DAGLB: variants seen among roughly 807,000 people sequenced by gnomAD.
DAGLB encodes the protein diacylglycerol lipase-beta.
Under a neutral mutation model 72.1 loss-of-function variants are expected in DAGLB, and 66 were observed. The ratio of observed to expected loss-of-function variants is 0.92; its 90% CI spans 0.75 to 1.12. DAGLB has a LOEUF of 1.12. Among genes scored for constraint, DAGLB ranks in the 50% most tolerant of loss-of-function variants. The probability of loss-of-function intolerance (pLI) is 0.00; values close to 1 mark genes in which losing one functional copy is unlikely to be tolerated. For missense variants in DAGLB, 1,065 were observed against 884.9 expected (o/e 1.20, Z -2.58); for synonymous variants, 414 against 359.5 (o/e 1.15, Z -1.71).
In DAGLB at chr7:6,414,145, G is replaced by C. The variant is rs188099740; in HGVS notation, c.1428-1111C>G. On this transcript the variant is annotated intron_variant, in intron 11 of 14. Coordinates refer to ENST00000297056, the MANE Select transcript of DAGLB (RefSeq NM_139179.4). The stretch of plus-strand genomic sequence containing the variant: ...CCTGCCTCAGCCTCCCAAGCAGCTG[G>C]GACTACAGGCGCCCACCACCACGCC... Among the ~76,000 whole-genome samples, 1,278 of 151,922 alleles carry C rather than the reference G, an allele frequency of 8.4e-3. 24 individuals are homozygous for C. The highest frequency in any genetic ancestry group is 0.03 in the African/African-American group (1,224 of 41,380).
At position 6,418,998 on chromosome 7, in the gene DAGLB, C is replaced by T. The variant is rs142916937; in HGVS notation, c.1219-2077G>A. On this transcript the variant is annotated intron_variant, in intron 9 of 14. Coordinates refer to ENST00000297056, the MANE Select transcript of DAGLB (RefSeq NM_139179.4). ...AGTTTCTAAGAATTAAATAATTCTA[C>T]AAGTAGAATGCTGAACCCAGCCATC... is the stretch of plus-strand genomic sequence containing the variant. Among the ~76,000 whole-genome samples the T allele has an allele frequency of 3.3e-4, 50 of 151,232 alleles. 1 individual carries two copies. The East Asian group carries it at 9.2e-3, about 28-fold the overall frequency.
At chr7:6,415,303 T>C (rs836502) in intron 11 of DAGLB, among the ~76,000 whole-genome samples, 3 of 151,994 alleles carry the variant, frequency 2.0e-5, no homozygotes, top group African/African-American at 7.3e-5. Context: ...TAAGCACTTA[T>C]ACATTCTCCT....
intron 6 of DAGLB, 90 bp from the exon 7 acceptor site, chr7:6,426,204 A>G (rs1323174215): frequency 4.4e-5 from 69 of 1,576,878 alleles, no homozygotes; most frequent in Non-Finnish European, 5.8e-5. Flanking sequence ...CAGAGACGCG[A>G]GGACCAGAGC....
intron 2 of DAGLB, among the ~76,000 whole-genome samples, chr7:6,443,222 AAAAC>A (rs1417574695): frequency 1.4e-5 from 2 of 146,782 alleles, no homozygotes; most frequent in Non-Finnish European, 3.0e-5. Flanking sequence ...AAAACAAAAC[AAAAC>A]AAACAAAAAA....
At chr7:6,445,890 G>T (rs1784984023) in intron 2 of DAGLB, 63 bp downstream of exon 2, 1 of 1,487,062 alleles carries the variant, frequency 6.7e-7, no homozygotes, top group Non-Finnish European at 9.0e-7. Flanking sequence ...TGTATGGTAT[G>T]TGAATTATAT....
chr7:6,423,803 G>A (rs1393021811), intron 8 of DAGLB, among the ~76,000 whole-genome samples: 1 of 152,160 alleles, frequency 6.6e-6, no homozygotes, highest in Non-Finnish European at 1.5e-5. Context: ...TGGACAGGAT[G>A]GTGTCGATCT....
At chr7:6,424,918 A>T in intron 7 of DAGLB, 83 bp from the exon 8 acceptor site, 1 of 1,372,296 alleles carries the variant, frequency 7.3e-7, no homozygotes, top group Non-Finnish European at 1.0e-6. Flanking sequence ...CAGTGTCTGC[A>T]ATGACAGCCC....
chr7:6,410,880 A>ATTTT (rs35960882), intron 13 of DAGLB, among the ~76,000 whole-genome samples: 8 of 98,200 alleles, frequency 8.1e-5, no homozygotes, highest in East Asian at 3.2e-4. Flanking sequence ...AATTTTTTGT[A>ATTTT]TTTTTTTTTT....
chr7:6,418,571 G>C (rs1199751491), intron 9 of DAGLB, among the ~76,000 whole-genome samples: 1 of 152,138 alleles, frequency 6.6e-6, no homozygotes, highest in Non-Finnish European at 1.5e-5. Context: ...CCCCTGTCCC[G>C]TGCAGCTTCG....
rs1172415355 is a variant in DAGLB, at chr7:6,425,896, T to C, written c.1056+92A>G. 6 of 1,574,564 alleles carry C rather than the reference T, an allele frequency of 3.8e-6. No homozygotes were observed. The African/African-American group carries it at 5.4e-5, about 14-fold the overall frequency. ...AGAAGTGTGTTTGTGTGTCTATGAA[T>C]TACGGGAAGAATAATTCATAACTTC... On this transcript the variant is annotated intron_variant, in intron 7 of 14. Transcript: ENST00000297056.
chr7:6,447,716 G>A, intron 1 of DAGLB, 32 bp downstream of exon 1: 1 of 1,601,908 alleles, frequency 6.2e-7, no homozygotes, highest in Non-Finnish European at 8.5e-7. Flanking sequence ...CTCTCCGGTG[G>A]GCTCCACCGC....
chr7:6,423,696 T>A (rs1455756317), intron 8 of DAGLB, among the ~76,000 whole-genome samples: 1 of 151,992 alleles, frequency 6.6e-6, no homozygotes, highest in Non-Finnish European at 1.5e-5. Flanking sequence ...CAAGTGATTC[T>A]CCTGCCTCAG....
Position 6,416,755 on chromosome 7 carries a change from C to T in DAGLB, c.1300-1G>A, listed in dbSNP as rs369199722. The T allele has an allele frequency of 6.2e-7, 1 of 1,613,612 alleles. No individual in the cohort carries two copies. The highest frequency in any genetic ancestry group is 8.5e-7 in the Non-Finnish European group (1 of 1,179,824). ...GGCCCACTATGACCAGCCGGTACTC[C>T]TAGAGGACAGACAGCAGAATGAGGT... On this transcript the variant is annotated splice_acceptor_variant, in intron 10 of 14. Coordinates refer to ENST00000297056, the MANE Select transcript of DAGLB (RefSeq NM_139179.4). LOFTEE classifies it high-confidence loss of function.
rs117103601 is a variant in DAGLB, at chr7:6,436,473, G to A, written c.308C>T (p.Ala103Val). Residue 103 changes from alanine (A) to valine (V), a missense_variant, in exon 3 of 15, where the codon GCG becomes GTG. By Grantham distance (64) the Ala-to-Val change is moderately conservative. Transcript: ENST00000297056. ...CCAGACCATCTCTGGAAAAAACAGCGCCAGGCGGATGTAAAGCAGCTTAGA... is the reference window on the plus strand; with the variant it reads ...CCAGACCATCTCTGGAAAAAACAGCACCAGGCGGATGTAAAGCAGCTTAGA... ...SMSKLLYIRL[A>V]LFFPEMVWAS... is the part of the protein sequence containing the mutation. 48,489 of 1,614,092 alleles carry A rather than the reference G, an allele frequency of 0.03. 891 individuals are homozygous for A. Among genetic ancestry groups the A allele is most frequent in the Middle Eastern group, 0.072 (437 of 6,062 alleles).
rs530043433 is a variant in DAGLB at position 6,433,826 on chromosome 7, C to T, written c.679-867G>A. Among the ~76,000 whole-genome samples the T allele has an allele frequency of 4.7e-5, 7 of 148,084 alleles. No homozygotes were observed. In the East Asian group the frequency reaches 8.0e-4, roughly 17 times the overall value. ...AAGATGGCGCCACTGCACTCCAGCC[C>T]GGGTGACAAAACGAGACCTTGTCTC... is the stretch of plus-strand genomic sequence containing the variant. On this transcript the variant is annotated intron_variant, in intron 4 of 14. Coordinates refer to ENST00000297056, the MANE Select transcript of DAGLB (RefSeq NM_139179.4).
At position 6,434,837 on chromosome 7, in the gene DAGLB, G is replaced by C; in HGVS notation, c.603C>G (p.Cys201Trp). The change falls in exon 4 of 15, where the codon TGC becomes TGG. Residue 201 changes from cysteine (C) to tryptophan (W), a missense_variant. Cys to Trp is a radical substitution (Grantham distance 215). Coordinates refer to ENST00000297056, the MANE Select transcript of DAGLB (RefSeq NM_139179.4). ...SVWETRIKLL[C>W]CCIGKDDHTR... is the part of the protein sequence containing the mutation. ...TATGGTCGTCTTTCCCAATGCAACA[G>C]CACAAGAGCTTGATTCTGGTTTCCC... 6.2e-7 allele frequency: 1 copy of C among 1,614,178 alleles called. No individual in the cohort carries two copies. Among genetic ancestry groups the C allele is most frequent in the Non-Finnish European group, 8.5e-7 (1 of 1,180,034 alleles).
At chr7:6,434,167 C>A (rs940719765) in intron 4 of DAGLB, among the ~76,000 whole-genome samples, 5 of 151,914 alleles carry the variant, frequency 3.3e-5, no homozygotes, top group African/African-American at 1.2e-4. Context: ...TCCTCCCTTA[C>A]CTCATCTCAG....
rs1237418975 is a variant in DAGLB, at chr7:6,410,252, C to G, written c.1698G>C (p.Leu566=). 2 of 1,613,286 alleles carry G rather than the reference C, an allele frequency of 1.2e-6. No homozygotes were observed. Among genetic ancestry groups the G allele is most frequent in the Non-Finnish European group, 1.7e-6 (2 of 1,179,716 alleles). ...AGCTGTAGGCCGGGGACCAGCGCGT[C>G]AGTAGGCTCTGCTCCCCCAGAAGAG... is the stretch of plus-strand genomic sequence containing the variant. The part of the protein sequence containing the change: ...TQPLLGEQSL[L]TRWSPAYSFS... The change falls in exon 14 of 15, where the codon CTG becomes CTC. Residue 566 remains leucine (L), a synonymous_variant. Coordinates refer to ENST00000297056, the MANE Select transcript of DAGLB (RefSeq NM_139179.4).
intron 9 of DAGLB, among the ~76,000 whole-genome samples, chr7:6,419,210 T>G (rs1162506935): frequency 6.6e-6 from 1 of 151,234 alleles, no homozygotes; most frequent in African/African-American, 2.4e-5. Flanking sequence ...TCAGTAGAGA[T>G]GGGGTTTTAC....
Sources: gnomAD v4.1 joint callset for allele counts (sites outside exome capture counted in the v4.1 genomes callset) on GRCh38, gnomAD v4.1.1 for gene constraint, MANE v1.5 for transcripts, NCBI Gene and HGNC (gene_info 2026-07-23, HGNC 2026-07-21) for gene names.